The following PEX7 variants were observed in gnomAD, a reference collection of about 807,000 sequenced individuals.
PEX7 encodes PTS2 receptor.
Under a neutral mutation model 47.5 loss-of-function variants are expected in PEX7, and 34 were observed. The observed-to-expected ratio is 0.72, with a 90% CI of 0.54 to 0.95. The LOEUF (loss-of-function observed/expected upper bound fraction) is 0.95, where lower values mean the gene tolerates loss of function less well. Ranked by LOEUF, PEX7 falls within the 40% of genes least tolerant of loss-of-function variation. PEX7 has a pLI of 0.00. For missense variants in PEX7, 394 were observed against 400.3 expected, an observed-to-expected ratio of 0.98 and a Z score of 0.13; for synonymous variants, 141 against 148.8, an observed-to-expected ratio of 0.95 and a Z score of 0.38.
chr6:136,896,049 G>C (rs566253599), intron 8 of PEX7, among the ~76,000 whole-genome samples: 2 of 152,242 alleles, frequency 1.3e-5, no homozygotes, highest in East Asian at 3.9e-4. Context: ...GGCTGAAGTT[G>C]GATAGCTGCA....
intron 7 of PEX7, among the ~76,000 whole-genome samples, 172 bp from the exon 8 acceptor site, chr6:136,872,026 A>G (rs1775190668): frequency 6.6e-6 from 1 of 152,212 alleles, no homozygotes; most frequent in Non-Finnish European, 1.5e-5. Context: ...TTATAAGGCC[A>G]GAAGATTTTT....
intron 8 of PEX7, among the ~76,000 whole-genome samples, chr6:136,879,743 A>G (rs1775344318): frequency 6.6e-6 from 1 of 152,160 alleles, no homozygotes; most frequent in South Asian, 2.1e-4. Context: ...CATTATGTAT[A>G]AAAGGACTCT....
rs1004287529 is a variant in PEX7, at chr6:136,900,335, T to C, written c.903+2094T>C. The C allele has an allele frequency of 4.6e-5, 9 of 196,154 alleles. No individual in the cohort carries two copies. Among genetic ancestry groups the C allele is most frequent in the African/African-American group, 7.0e-5 (3 of 42,846 alleles). The allele number at this position is 196,154 out of a possible 1,614,324, so 12.2% of individuals were successfully genotyped here. A position where few individuals can be genotyped will look rare whatever the true frequency, so the allele number is the denominator to read the frequency against. ...ATATTTTTCAAAGGATAATTTGTAT[T>C]ATTTTAATTATTTTTATGTACAGAA... On this transcript the variant is annotated intron_variant, in intron 9 of 9. Coordinates refer to ENST00000318471, the MANE Select transcript of PEX7 (RefSeq NM_000288.4). The surrounding 1 kb of genome is among the most constrained non-coding windows in gnomAD (Gnocchi z 4.2).
At chr6:136,837,897 T>C (rs1389172065) in intron 3 of PEX7, among the ~76,000 whole-genome samples, 3 of 151,856 alleles carry the variant, frequency 2.0e-5, no homozygotes, top group African/African-American at 7.3e-5. Context: ...TTAGGAAAAA[T>C]GTAGTCACCA....
intron 5 of PEX7, among the ~76,000 whole-genome samples, chr6:136,865,205 C>T (rs1302633280): frequency 1.3e-5 from 2 of 152,168 alleles, no homozygotes; most frequent in Non-Finnish European, 2.9e-5. Flanking sequence ...AATCCCAGTA[C>T]TTTGGGAGGC....
intron 8 of PEX7, among the ~76,000 whole-genome samples, chr6:136,877,151 C>G (rs1775289445): frequency 6.6e-6 from 1 of 151,088 alleles, no homozygotes; most frequent in Non-Finnish European, 1.5e-5. Context: ...TGAGAAGTGA[C>G]TGTTCATATC....
chr6:136,869,952 A>G lies in PEX7; in HGVS notation c.696A>G (p.Arg232=). 1 of 1,614,110 alleles carries G rather than the reference A, an allele frequency of 6.2e-7. No homozygotes were observed. Among genetic ancestry groups the G allele is most frequent in the Non-Finnish European group, 8.5e-7 (1 of 1,179,972 alleles). ...GAGGCTGGGACTTAAGGAATGTACG[A>G]CAACCAGTGTTTGAACTTCTTGGTC... ...SLRGWDLRNV[R]QPVFELLGHT... Residue 232 remains arginine, a synonymous_variant, in exon 7 of 10, where the codon CGA becomes CGG. Transcript: ENST00000318471.
chr6:136,834,484 T>G (rs1332334908), intron 3 of PEX7, among the ~76,000 whole-genome samples: 1 of 152,224 alleles, frequency 6.6e-6, no homozygotes, highest in African/African-American at 2.4e-5. Context: ...CCCAAAGTCC[T>G]GGGATTATAG....
intron 3 of PEX7, chr6:136,829,960 A>T: frequency 1.4e-6 from 1 of 694,084 alleles, no homozygotes; most frequent in Non-Finnish European, 2.6e-6. Context: ...TAAAAAAAAA[A>T]GTTGATAATG....
intron 5 of PEX7, among the ~76,000 whole-genome samples, chr6:136,848,174 G>A (rs1774664192): frequency 6.6e-6 from 1 of 152,160 alleles, no homozygotes; most frequent in Non-Finnish European, 1.5e-5. Context: ...AGGAATGCTT[G>A]TGATTCTTGC....
At chr6:136,835,127 G>A (rs1774362011) in intron 3 of PEX7, among the ~76,000 whole-genome samples, 1 of 151,958 alleles carries the variant, frequency 6.6e-6, no homozygotes, top group Non-Finnish European at 1.5e-5. Context: ...GTTTCAACGT[G>A]TTGGTCAGGC....
intron 9 of PEX7, among the ~76,000 whole-genome samples, chr6:136,906,523 G>C (rs1042369686): frequency 4.0e-5 from 6 of 151,402 alleles, no homozygotes; most frequent in Admixed American, 3.3e-4. Context: ...TATGGGTGTA[G>C]TATTCCCAAA....
intron 3 of PEX7, among the ~76,000 whole-genome samples, chr6:136,826,917 C>T (rs575788710): frequency 1.3e-5 from 2 of 152,240 alleles, no homozygotes; most frequent in Admixed American, 1.3e-4. Context: ...TGAGGCAGAA[C>T]TTACTGAAGG....
At chr6:136,824,960 G>T (rs942751037) in intron 1 of PEX7, among the ~76,000 whole-genome samples, 1 of 152,152 alleles carries the variant, frequency 6.6e-6, no homozygotes, top group Non-Finnish European at 1.5e-5. Context: ...CCAATCATAG[G>T]TGCAATGGGA....
intron 5 of PEX7, among the ~76,000 whole-genome samples, chr6:136,849,111 T>C (rs1000175590): frequency 7.9e-5 from 12 of 152,314 alleles, no homozygotes; most frequent in African/African-American, 2.6e-4. Flanking sequence ...TTTATCCATT[T>C]CTTCTAGATT....
chr6:136,868,165 G>A (rs1335643751), intron 6 of PEX7, among the ~76,000 whole-genome samples: 1 of 152,134 alleles, frequency 6.6e-6, no homozygotes, highest in Non-Finnish European at 1.5e-5. Context: ...ATCTAGCCTG[G>A]GTGTGTACTA....
In PEX7 at chr6:136,854,514, A is replaced by G. The variant is rs891823870; in HGVS notation, c.526+8333A>G. ...TGTTTTTAATTTAGTATAAATGGTA[A>G]TGAGTTTTGTGCTTATAGTGAATCG... On this transcript the variant is annotated intron_variant, in intron 5 of 9. Coordinates refer to ENST00000318471, the MANE Select transcript of PEX7 (RefSeq NM_000288.4). Among the ~76,000 whole-genome samples, 4 of 152,208 alleles carry G rather than the reference A, an allele frequency of 2.6e-5. No homozygotes were observed. The East Asian group carries it at 5.8e-4, about 22-fold the overall frequency.
At chr6:136,867,266 A>C (rs1375277512) in intron 6 of PEX7, among the ~76,000 whole-genome samples, 1 of 152,208 alleles carries the variant, frequency 6.6e-6, no homozygotes, top group African/African-American at 2.4e-5. Context: ...AAATGGATTA[A>C]ATATGTGTTA....
At chr6:136,858,238 G>A (rs1048954467) in intron 5 of PEX7, among the ~76,000 whole-genome samples, 4 of 152,220 alleles carry the variant, frequency 2.6e-5, no homozygotes, top group Non-Finnish European at 5.9e-5. Context: ...AGTCTAAGCT[G>A]CTGCCTTATG....
Sources: allele counts gnomAD v4.1 joint callset (sites outside exome capture counted in the v4.1 genomes callset), GRCh38; gene constraint gnomAD v4.1.1; non-coding constraint Gnocchi (gnomAD v3.1); transcripts MANE v1.5; gene names NCBI Gene and HGNC (gene_info 2026-07-23, HGNC 2026-07-21).